Variants in ACACA observed in about 807,000 individuals in gnomAD.
ACACA encodes acetyl-CoA carboxylase 1.
ACACA carries 103 observed loss-of-function variants against 296.1 expected under a neutral mutation model. The observed-to-expected ratio is 0.35, with a 90% CI of 0.30 to 0.41. The LOEUF is 0.41. Among genes scored for constraint, ACACA ranks in the 10% least tolerant of loss-of-function variants. The pLI is 1.00. For synonymous variants in ACACA, 953 were observed against 1,038.6 expected (o/e 0.92, Z 1.58); for missense variants, 1,554 against 2,989.7 (o/e 0.52, Z 11.20).
Position 37,128,023 on chromosome 17 carries a change from T to TAAAAAAAAAAAAAAAAA in ACACA, c.5944+1341_5944+1342insTTTTTTTTTTTTTTTTT, listed in dbSNP as rs2074890198. On this transcript the variant is annotated intron_variant, in intron 47 of 55. Coordinates refer to ENST00000616317, the MANE Select transcript of ACACA (RefSeq NM_198834.3). ...TGGAGGACAAGAGTGAAACTCCATC[T>TAAAAAAAAAAAAAAAAA]CAAAAAAAAAAAAAAAAAAAAAAAA... 4.9e-4 allele frequency among the ~76,000 whole-genome samples: 11 copies of TAAAAAAAAAAAAAAAAA among 22,554 alleles called. 3 individuals are homozygous for TAAAAAAAAAAAAAAAAA. Among genetic ancestry groups the TAAAAAAAAAAAAAAAAA allele is most frequent in the Non-Finnish European group, 6.9e-4 (9 of 13,088 alleles). 14.8% of individuals were successfully genotyped at this position (22,554 alleles called of 152,430 possible). A position where few individuals can be genotyped will look rare whatever the true frequency, so the allele number is the denominator to read the frequency against.
intron 8 of ACACA, among the ~76,000 whole-genome samples, chr17:37,275,495 CAAAAAAAAA>C (rs34064045): frequency 3.2e-5 from 2 of 61,658 alleles, no homozygotes; most frequent in South Asian, 6.3e-4. Context: ...GACTCCAACT[CAAAAAAAAA>C]AAAAAAAAAG....
intron 14 of ACACA, 152 bp downstream of exon 14, chr17:37,257,551 C>A: frequency 1.4e-6 from 1 of 704,566 alleles, no homozygotes; most frequent in Non-Finnish European, 2.4e-6. Flanking sequence ...AACATGAATG[C>A]AAGTGTAATT....
intron 1 of ACACA, among the ~76,000 whole-genome samples, chr17:37,389,634 C>A (rs922593648): frequency 6.6e-6 from 1 of 151,816 alleles, no homozygotes; most frequent in Non-Finnish European, 1.5e-5. Flanking sequence ...TTGCAGTGAG[C>A]CGAGATTGTG....
chr17:37,240,170 T>A (rs1472795125), intron 24 of ACACA, among the ~76,000 whole-genome samples: 1 of 152,174 alleles, frequency 6.6e-6, no homozygotes, highest in Non-Finnish European at 1.5e-5. Context: ...TCAACCAACT[T>A]ACACTACACA....
intron 28 of ACACA, among the ~76,000 whole-genome samples, chr17:37,223,284 G>A (rs2271855): frequency 0.12 from 18,854 of 152,206 alleles, 1,795 homozygotes; most frequent in East Asian, 0.44. Context: ...AAAAATGCTG[G>A]CAGCTATTTT....
At chr17:37,401,826 T>C (rs1372726742) in intron 1 of ACACA, among the ~76,000 whole-genome samples, 1 of 152,122 alleles carries the variant, frequency 6.6e-6, no homozygotes, top group African/African-American at 2.4e-5. Flanking sequence ...TGTCAAAGTG[T>C]TGGGATTACA....
chr17:37,366,077 G>C (rs1198961794), intron 1 of ACACA, among the ~76,000 whole-genome samples: 1 of 152,164 alleles, frequency 6.6e-6, no homozygotes, highest in African/African-American at 2.4e-5. Flanking sequence ...CCCAGTCGTA[G>C]GATTCTGACA....
At chr17:37,173,206 ACT>A (rs2076941666) in intron 41 of ACACA, among the ~76,000 whole-genome samples, 1 of 152,128 alleles carries the variant, frequency 6.6e-6, no homozygotes, top group African/African-American at 2.4e-5. Context: ...GCATATACAC[ACT>A]CTCTACAGGC....
chr17:37,127,072 A>G (rs2074824511), intron 47 of ACACA, among the ~76,000 whole-genome samples: 1 of 152,226 alleles, frequency 6.6e-6, no homozygotes, highest in Non-Finnish European at 1.5e-5. Context: ...AGTCAATGAA[A>G]AAATATTATC....
chr17:37,352,859 A>G (rs2048971188), intron 1 of ACACA, among the ~76,000 whole-genome samples: 1 of 152,242 alleles, frequency 6.6e-6, no homozygotes, highest in Admixed American at 6.5e-5. Context: ...AGACATTTAC[A>G]GGTTAAAGCA....
At chr17:37,134,268 C>G (rs759995794) in intron 45 of ACACA, among the ~76,000 whole-genome samples, 2 of 152,192 alleles carry the variant, frequency 1.3e-5, no homozygotes, top group African/African-American at 4.8e-5. Context: ...ATACCGCCTG[C>G]TCTCTCCCTT....
chr17:37,125,436 A>G (rs888216876), intron 48 of ACACA, among the ~76,000 whole-genome samples: 2 of 152,222 alleles, frequency 1.3e-5, no homozygotes, highest in African/African-American at 4.8e-5. Context: ...TACAGCTCCC[A>G]AAGTGTTTTT....
At position 37,247,994 on chromosome 17, in the gene ACACA, C is replaced by A; in HGVS notation, c.2309+17G>T. On this transcript the variant is annotated intron_variant, in intron 18 of 55. Coordinates refer to ENST00000616317, the MANE Select transcript of ACACA (RefSeq NM_198834.3). Reference sequence around the variant, plus strand: ...CTAACAGGATGACCAGCAAATGGACCTCAAACAGCCACTTACCTATCCACT... The same window carrying A: ...CTAACAGGATGACCAGCAAATGGACATCAAACAGCCACTTACCTATCCACT... 6.2e-7 allele frequency: 1 copy of A among 1,613,682 alleles called. No homozygotes were observed. The highest frequency in any genetic ancestry group is 8.5e-7 in the Non-Finnish European group (1 of 1,179,874).
At chr17:37,316,298 T>TACAAAC (rs1376843680) in intron 3 of ACACA, among the ~76,000 whole-genome samples, 2 of 95,700 alleles carry the variant, frequency 2.1e-5, no homozygotes, top group African/African-American at 1.2e-4. Context: ...GCTCTACCCT[T>TACAAAC]ACATACACAC....
chr17:37,363,185 T>C (rs1376184884), intron 1 of ACACA, among the ~76,000 whole-genome samples: 65 of 120,702 alleles, frequency 5.4e-4, no homozygotes, highest in African/African-American at 9.1e-4. Flanking sequence ...TTTTCTTTTT[T>C]TTTTTTTTTT....
At chr17:37,371,902 A>G (rs188226784) in intron 1 of ACACA, among the ~76,000 whole-genome samples, 161 of 152,064 alleles carry the variant, frequency 1.1e-3, no homozygotes, top group Non-Finnish European at 1.7e-3. Context: ...TACGTCTCAA[A>G]AAAAAATAAA....
At chr17:37,253,261 G>A (rs1241337506) in intron 14 of ACACA, among the ~76,000 whole-genome samples, 5 of 151,930 alleles carry the variant, frequency 3.3e-5, no homozygotes, top group East Asian at 1.9e-4. Context: ...GCGTGGTGGC[G>A]GGCGCCTGTA....
intron 45 of ACACA, among the ~76,000 whole-genome samples, chr17:37,141,751 G>A (rs1005921046): frequency 2.0e-5 from 3 of 151,934 alleles, no homozygotes; most frequent in Non-Finnish European, 4.4e-5. Flanking sequence ...GAGTGCAATG[G>A]TGCAATCTTG....
chr17:37,178,162 T>C (rs2077188455), intron 41 of ACACA, among the ~76,000 whole-genome samples: 1 of 152,194 alleles, frequency 6.6e-6, no homozygotes, highest in African/African-American at 2.4e-5. Context: ...GTTATAACTG[T>C]ACATTAGGAG....
Sources: allele counts gnomAD v4.1 joint callset (sites outside exome capture counted in the v4.1 genomes callset), GRCh38; gene constraint gnomAD v4.1.1; transcripts MANE v1.5; gene names NCBI Gene and HGNC (gene_info 2026-07-23, HGNC 2026-07-21).